EYS: variants seen among roughly 807,000 people sequenced by gnomAD.
EYS encodes the protein EGF-like photoreceptor maintenance factor, also known as protein eyes shut homolog.
EYS carries 250 observed loss-of-function variants against 282.1 expected under a neutral mutation model. The ratio of observed to expected loss-of-function variants is 0.89; its 90% CI spans 0.80 to 0.98. EYS has a LOEUF of 0.98. EYS is among the 50% of genes least tolerant of loss of function. EYS has a pLI of 0.00. For synonymous variants in EYS, 1,355 were observed against 1,282.9 expected, an observed-to-expected ratio of 1.06 and a Z score of -1.20; for missense variants, 4,016 against 3,709.0, an observed-to-expected ratio of 1.08 and a Z score of -2.15.
chr6:64,834,106 C>G (rs1765308186), intron 19 of EYS, among the ~76,000 whole-genome samples: 1 of 151,742 alleles, frequency 6.6e-6, no homozygotes, highest in Non-Finnish European at 1.5e-5. Context: ...CAAGAGAAAC[C>G]CTTTGGGAAA....
At chr6:65,161,604 TTG>T (rs1291120737) in intron 12 of EYS, among the ~76,000 whole-genome samples, 1 of 151,162 alleles carries the variant, frequency 6.6e-6, no homozygotes. Flanking sequence ...ATTTGATTCA[TTG>T]TCTTTCTATT....
intron 14 of EYS, among the ~76,000 whole-genome samples, chr6:64,991,394 A>T (rs2150122587): frequency 6.6e-6 from 1 of 151,718 alleles, no homozygotes; most frequent in South Asian, 2.1e-4. Flanking sequence ...ATCAAGGTTT[A>T]GTTCAAGTTT....
intron 12 of EYS, among the ~76,000 whole-genome samples, chr6:65,263,585 AATTT>A (rs1767674108): frequency 6.6e-6 from 1 of 152,092 alleles, no homozygotes; most frequent in African/African-American, 2.4e-5. Flanking sequence ...AATCAAAAGT[AATTT>A]ATTATTTTCA....
chr6:64,317,971 T>G (rs1770042938), intron 29 of EYS, among the ~76,000 whole-genome samples: 1 of 152,042 alleles, frequency 6.6e-6, no homozygotes, highest in Admixed American at 6.6e-5. Context: ...AAGTGGGAGT[T>G]GAACAATGAG....
intron 35 of EYS, among the ~76,000 whole-genome samples, chr6:63,920,792 T>C (rs1454561707): frequency 1.3e-5 from 2 of 152,204 alleles, no homozygotes; most frequent in East Asian, 3.9e-4. Context: ...ACAGGCCGTG[T>C]GGCTGTGTGT....
chr6:64,680,418 T>G (rs944557531), intron 22 of EYS, among the ~76,000 whole-genome samples: 3 of 152,242 alleles, frequency 2.0e-5, no homozygotes, highest in Non-Finnish European at 4.4e-5. Flanking sequence ...GCTGAGAGTC[T>G]GTGACACTTG....
At chr6:65,594,114 C>T (rs1484839305) in intron 2 of EYS, among the ~76,000 whole-genome samples, 1 of 151,840 alleles carries the variant, frequency 6.6e-6, no homozygotes, top group Non-Finnish European at 1.5e-5. Context: ...TAGGTTATTG[C>T]TTACTTTACT....
intron 14 of EYS, among the ~76,000 whole-genome samples, chr6:64,960,924 TG>T (rs1769890564): frequency 1.3e-5 from 2 of 152,172 alleles, no homozygotes. Flanking sequence ...TTTCTGTTCC[TG>T]GGTTAGTTTG....
intron 2 of EYS, among the ~76,000 whole-genome samples, chr6:65,557,954 C>G (rs6932247): frequency 0.54 from 82,102 of 151,628 alleles, 22,250 homozygotes; most frequent in East Asian, 0.7. Flanking sequence ...AGCTCACAAG[C>G]GAGGAAATCC....
intron 35 of EYS, among the ~76,000 whole-genome samples, chr6:63,960,681 C>G (rs1004892981): frequency 6.6e-6 from 1 of 152,104 alleles, no homozygotes; most frequent in Non-Finnish European, 1.5e-5. Context: ...TGATCAATAT[C>G]AAGGACAGAC....
rs377221503 is a variant in EYS at position 64,697,110 on chromosome 6, C to T, written c.3444-70865G>A. Reference sequence around the variant, plus strand: ...TAATGCTCCACTTAAAAATATAGTTCGGCAGTGTGGATTTAAAAAAAACAT... The same window carrying T: ...TAATGCTCCACTTAAAAATATAGTTTGGCAGTGTGGATTTAAAAAAAACAT... On this transcript the variant is annotated intron_variant, in intron 22 of 42. Coordinates refer to ENST00000503581, the MANE Select transcript of EYS (RefSeq NM_001142800.2). 2.0e-3 allele frequency among the ~76,000 whole-genome samples: 308 copies of T among 152,000 alleles called. 1 individual carries two copies. The Middle Eastern group carries it at 0.024, about 12-fold the overall frequency.
At chr6:64,338,694 T>C (rs540789992) in intron 29 of EYS, among the ~76,000 whole-genome samples, 13 of 151,524 alleles carry the variant, frequency 8.6e-5, no homozygotes, top group Middle Eastern at 3.4e-3. Context: ...TGAGGAAAAA[T>C]AACAACTCTG....
At chr6:65,037,770 A>G (rs1772812504) in intron 13 of EYS, among the ~76,000 whole-genome samples, 1 of 151,706 alleles carries the variant, frequency 6.6e-6, no homozygotes, top group South Asian at 2.1e-4. Context: ...ATTGTTCAAG[A>G]GTCAACTCTA....
intron 12 of EYS, among the ~76,000 whole-genome samples, chr6:65,228,885 C>G (rs964643506): frequency 6.6e-6 from 1 of 151,846 alleles, no homozygotes; most frequent in African/African-American, 2.4e-5. Context: ...ATTTTGACAA[C>G]AGTGTAAAGG....
chr6:64,913,115 T>C lies in EYS; in HGVS notation c.2382-372A>G, dbSNP rs183845498. 5.8e-4 allele frequency among the ~76,000 whole-genome samples: 89 copies of C among 152,254 alleles called. 1 individual carries two copies. The highest frequency in any genetic ancestry group is 1.8e-3 in the African/African-American group (73 of 41,564). On this transcript the variant is annotated intron_variant, in intron 15 of 42. Coordinates refer to ENST00000503581, the MANE Select transcript of EYS (RefSeq NM_001142800.2). ...CACTATTTATAAGCCTTAAATGCTA[T>C]TTAATTCAGCGTCCTTAGCAATATG...
At chr6:65,165,501 C>A (rs549728050) in intron 12 of EYS, among the ~76,000 whole-genome samples, 36 of 151,232 alleles carry the variant, frequency 2.4e-4, no homozygotes, top group African/African-American at 8.2e-4. Flanking sequence ...AATATTTTAT[C>A]ATCTTATGAA....
At chr6:65,380,977 C>T (rs925515080) in intron 8 of EYS, among the ~76,000 whole-genome samples, 14 of 151,862 alleles carry the variant, frequency 9.2e-5, no homozygotes, top group South Asian at 2.1e-4. Flanking sequence ...TAGATGCTGG[C>T]GAGGATGCGG....
intron 30 of EYS, among the ~76,000 whole-genome samples, chr6:64,248,980 T>A (rs2150347393): frequency 6.7e-6 from 1 of 150,092 alleles, no homozygotes; most frequent in East Asian, 2.0e-4. Flanking sequence ...AGCTTGAATC[T>A]TGGAGGCTTG....
intron 11 of EYS, among the ~76,000 whole-genome samples, chr6:65,328,764 T>A (rs1367280204): frequency 4.0e-5 from 6 of 151,232 alleles, no homozygotes; most frequent in African/African-American, 1.4e-4. Context: ...TTATCATTTA[T>A]GTTTTTAATG....
Sources: allele counts gnomAD v4.1 joint callset (sites outside exome capture counted in the v4.1 genomes callset), GRCh38; gene constraint gnomAD v4.1.1; transcripts MANE v1.5; gene names NCBI Gene and HGNC (gene_info 2026-07-23, HGNC 2026-07-21).